The following GRIK2 variants were observed in gnomAD, a reference collection of about 807,000 sequenced individuals.
GRIK2 encodes glutamate ionotropic receptor kainate type subunit 2.
Under a neutral mutation model 100.3 loss-of-function variants are expected in GRIK2, and 32 were observed. The observed-to-expected ratio is 0.32, with a 90% CI of 0.24 to 0.43. GRIK2 has a LOEUF of 0.43. GRIK2 is among the 20% of genes least tolerant of loss of function. GRIK2 has a pLI of 1.00. For synonymous variants in GRIK2, 417 were observed against 389.4 expected (o/e 1.07, Z -0.83); for missense variants, 843 against 1,114.9 (o/e 0.76, Z 3.47).
intron 14 of GRIK2, among the ~76,000 whole-genome samples, chr6:101,930,892 GCTTT>G (rs1790225439): frequency 6.6e-6 from 1 of 152,052 alleles, no homozygotes; most frequent in Non-Finnish European, 1.5e-5. Context: ...ACACGACACA[GCTTT>G]CTATTTCCAA....
At chr6:101,671,195 G>A (rs893509567) in intron 4 of GRIK2, among the ~76,000 whole-genome samples, 15 of 152,018 alleles carry the variant, frequency 9.9e-5, no homozygotes, top group East Asian at 3.9e-4. Context: ...AGACATTTTC[G>A]TTTTAGTACC....
chr6:101,781,000 C>A (rs925824528), intron 7 of GRIK2, among the ~76,000 whole-genome samples: 4 of 152,150 alleles, frequency 2.6e-5, no homozygotes, highest in African/African-American at 9.7e-5. Context: ...GTCCTCTGAA[C>A]TAATGTTTGC....
At chr6:101,740,581 G>A (rs78237040) in intron 7 of GRIK2, among the ~76,000 whole-genome samples, 14,438 of 152,094 alleles carry the variant, frequency 0.095, 825 homozygotes, top group South Asian at 0.2. Context: ...TTAAACATAC[G>A]TATTAGTCTG....
intron 14 of GRIK2, among the ~76,000 whole-genome samples, chr6:102,005,379 T>C (rs1176630196): frequency 6.6e-6 from 1 of 152,002 alleles, no homozygotes; most frequent in Non-Finnish European, 1.5e-5. Flanking sequence ...ATTTATAAAT[T>C]AGCATAATTT....
At chr6:101,590,094 C>G (rs1043936832) in intron 2 of GRIK2, among the ~76,000 whole-genome samples, 4 of 152,010 alleles carry the variant, frequency 2.6e-5, no homozygotes, top group Non-Finnish European at 5.9e-5. Flanking sequence ...ATTTTAAAAA[C>G]ATAGTATATT....
chr6:101,653,525 A>G (rs1781916908), intron 4 of GRIK2, among the ~76,000 whole-genome samples: 2 of 152,112 alleles, frequency 1.3e-5, no homozygotes, highest in African/African-American at 4.8e-5. Flanking sequence ...TTTGTGCATT[A>G]AGTTCCCTCT....
intron 4 of GRIK2, among the ~76,000 whole-genome samples, chr6:101,663,308 C>T (rs983629211): frequency 1.3e-5 from 2 of 152,074 alleles, no homozygotes; most frequent in African/African-American, 2.4e-5. Context: ...CCTAATCAGC[C>T]GCTGTCTGGA....
chr6:102,042,274 G>A (rs1430756383), intron 15 of GRIK2, among the ~76,000 whole-genome samples: 1 of 151,500 alleles, frequency 6.6e-6, no homozygotes, highest in Non-Finnish European at 1.5e-5. Context: ...CCAAAGGCCT[G>A]TATATTTTCT....
chr6:102,063,515 A>G (rs1771856890), intron 16 of GRIK2, among the ~76,000 whole-genome samples: 1 of 150,798 alleles, frequency 6.6e-6, no homozygotes, highest in Admixed American at 6.6e-5. Context: ...CTTTAAAATG[A>G]AGCTACATAT....
At chr6:101,892,249 ATT>A (rs1285784898) in intron 12 of GRIK2, among the ~76,000 whole-genome samples, 1 of 152,182 alleles carries the variant, frequency 6.6e-6, no homozygotes, top group Non-Finnish European at 1.5e-5. Context: ...AAATTTAGTT[ATT>A]CCTAATTTTC....
At chr6:101,872,299 T>G (rs1339550370) in intron 11 of GRIK2, among the ~76,000 whole-genome samples, 1 of 151,846 alleles carries the variant, frequency 6.6e-6, no homozygotes, top group Admixed American at 6.6e-5. Flanking sequence ...GAAAAGAAGT[T>G]TAATCGACTC....
intron 2 of GRIK2, among the ~76,000 whole-genome samples, chr6:101,510,528 T>G (rs76061335): frequency 1.4e-5 from 2 of 141,790 alleles, no homozygotes; most frequent in Admixed American, 7.1e-5. Flanking sequence ...TTTTTTTTTT[T>G]TTTTTTTTTT....
chr6:101,409,361 C>T (rs893727430), intron 2 of GRIK2, among the ~76,000 whole-genome samples: 1 of 151,962 alleles, frequency 6.6e-6, no homozygotes, highest in African/African-American at 2.4e-5. Context: ...TAAGTACACT[C>T]TGTGATGTTC....
At chr6:102,060,522 C>T (rs965523061) in intron 16 of GRIK2, among the ~76,000 whole-genome samples, 6 of 150,802 alleles carry the variant, frequency 4.0e-5, no homozygotes, top group African/African-American at 1.2e-4. Context: ...CAGATAGCTA[C>T]GTATAAGCTG....
At chr6:101,498,222 A>G (rs1454681588) in intron 2 of GRIK2, among the ~76,000 whole-genome samples, 1 of 150,946 alleles carries the variant, frequency 6.6e-6, no homozygotes, top group Non-Finnish European at 1.5e-5. Flanking sequence ...GCTGCATAGT[A>G]TTCCATGGTG....
At chr6:101,394,846 G>A (rs1436583960) in intron 1 of GRIK2, among the ~76,000 whole-genome samples, 1 of 152,086 alleles carries the variant, frequency 6.6e-6, no homozygotes, top group African/African-American at 2.4e-5. Flanking sequence ...AAATTGAAAT[G>A]CACAAGAGCA....
chr6:101,869,189 G>C (rs1562451788), intron 11 of GRIK2, among the ~76,000 whole-genome samples: 1 of 151,980 alleles, frequency 6.6e-6, no homozygotes, highest in Middle Eastern at 3.4e-3. Context: ...ACTTGGTCAG[G>C]TTTATTTAAA....
At chr6:101,789,037 G>A (rs576142133) in intron 7 of GRIK2, among the ~76,000 whole-genome samples, 28 of 152,058 alleles carry the variant, frequency 1.8e-4, no homozygotes, top group South Asian at 8.3e-4. Flanking sequence ...CATATCCTTC[G>A]CCCACTTTTT....
chr6:101,784,956 T>G (rs2128403817), intron 7 of GRIK2, among the ~76,000 whole-genome samples: 1 of 152,268 alleles, frequency 6.6e-6, no homozygotes, highest in South Asian at 2.1e-4. Flanking sequence ...ATGTTTTTGG[T>G]TTGCATTTGT....
Sources: allele counts gnomAD v4.1 joint callset (sites outside exome capture counted in the v4.1 genomes callset), GRCh38; gene constraint gnomAD v4.1.1; transcripts MANE v1.5; gene names NCBI Gene and HGNC (gene_info 2026-07-23, HGNC 2026-07-21).